RNGTT: variants seen among roughly 807,000 people sequenced by gnomAD.
The protein encoded by RNGTT is mRNA-capping enzyme.
Under a neutral mutation model 79.3 loss-of-function variants are expected in RNGTT, and 33 were observed. That is an observed-to-expected ratio of 0.42 (90% CI 0.32 to 0.56). The LOEUF (loss-of-function observed/expected upper bound fraction) is 0.56. Ranked by LOEUF, RNGTT falls within the 20% of genes least tolerant of loss-of-function variation. The pLI, the probability that RNGTT is intolerant of heterozygous loss-of-function variation, is 0.17. For missense variants in RNGTT, 497 were observed against 739.1 expected (o/e 0.67, Z 3.80); for synonymous variants, 222 against 235.9 (o/e 0.94, Z 0.54).
At chr6:88,790,007 A>G (rs1263608395) in intron 12 of RNGTT, among the ~76,000 whole-genome samples, 1 of 152,254 alleles carries the variant, frequency 6.6e-6, no homozygotes, top group East Asian at 1.9e-4. Flanking sequence ...CCGCTTTGAT[A>G]TAAAACCTCA....
intron 11 of RNGTT, among the ~76,000 whole-genome samples, chr6:88,837,725 G>T (rs1007388548): frequency 8.6e-5 from 13 of 151,950 alleles, no homozygotes; most frequent in Admixed American, 3.9e-4. Flanking sequence ...AATAGTATTC[G>T]ATCTATAGTA....
rs1043733932 is a variant in RNGTT at position 88,769,686 on chromosome 6, G to A, written c.1439+88C>T. On this transcript the variant is annotated intron_variant, in intron 13 of 15. Coordinates refer to ENST00000369485, the MANE Select transcript of RNGTT (RefSeq NM_003800.5). ...TTTTAGTTTCTTTCTTTAAAGTATT[G>A]TAAAGTATATATGAAATACCCTGTA... 9 of 658,662 alleles carry A rather than the reference G, an allele frequency of 1.4e-5. No homozygotes were observed. The African/African-American group carries it at 1.6e-4, about 12-fold the overall frequency. 40.8% of individuals were successfully genotyped at this position (658,662 alleles called of 1,614,324 possible).
intron 13 of RNGTT, among the ~76,000 whole-genome samples, chr6:88,689,576 C>T (rs1285583014): frequency 7.2e-6 from 1 of 139,036 alleles, no homozygotes; most frequent in Non-Finnish European, 1.5e-5. Flanking sequence ...CCTGGGGCAA[C>T]AGAGTGAGAC....
intron 11 of RNGTT, among the ~76,000 whole-genome samples, chr6:88,825,802 G>A (rs1780637328): frequency 1.3e-5 from 2 of 152,072 alleles, no homozygotes; most frequent in Admixed American, 6.6e-5. Flanking sequence ...TTAAATGTAT[G>A]CCTTATAGTT....
intron 11 of RNGTT, among the ~76,000 whole-genome samples, chr6:88,805,453 T>C (rs1222627776): frequency 6.6e-6 from 1 of 152,160 alleles, no homozygotes; most frequent in Non-Finnish European, 1.5e-5. Flanking sequence ...GTTAAAACCC[T>C]CCTGCTTTCC....
chr6:88,871,340 A>T (rs2127920817), intron 8 of RNGTT, among the ~76,000 whole-genome samples: 1 of 152,208 alleles, frequency 6.6e-6, no homozygotes, highest in East Asian at 1.9e-4. Flanking sequence ...GACACTACTG[A>T]AATAATAGCA....
chr6:88,784,593 C>T (rs760822473), intron 12 of RNGTT, among the ~76,000 whole-genome samples: 1 of 152,130 alleles, frequency 6.6e-6, no homozygotes, highest in Admixed American at 6.5e-5. Context: ...ATGAATTGGT[C>T]TGTCAGTAGA....
At chr6:88,898,826 C>T (rs910032962) in intron 6 of RNGTT, among the ~76,000 whole-genome samples, 1 of 149,348 alleles carries the variant, frequency 6.7e-6, no homozygotes, top group Non-Finnish European at 1.5e-5. Flanking sequence ...TGCCTTTTAA[C>T]TCTATATACT....
chr6:88,658,895 G>A (rs774475822), intron 14 of RNGTT, among the ~76,000 whole-genome samples: 12 of 152,172 alleles, frequency 7.9e-5, no homozygotes, highest in Non-Finnish European at 1.0e-4. Flanking sequence ...TCGGGCCTTC[G>A]GCCACAGACT....
At chr6:88,636,241 T>C (rs1435401664) in intron 14 of RNGTT, among the ~76,000 whole-genome samples, 1 of 152,064 alleles carries the variant, frequency 6.6e-6, no homozygotes, top group Non-Finnish European at 1.5e-5. Context: ...TTTGATGCAG[T>C]TCCTTTAGGA....
At chr6:88,752,114 T>C (rs1027154643) in intron 13 of RNGTT, among the ~76,000 whole-genome samples, 1 of 151,614 alleles carries the variant, frequency 6.6e-6, no homozygotes, top group Non-Finnish European at 1.5e-5. Context: ...GCTTTCTTCA[T>C]TTTATAATAA....
At chr6:88,892,010 T>C in intron 6 of RNGTT, 95 bp from the exon 7 acceptor site, 1 of 843,658 alleles carries the variant, frequency 1.2e-6, no homozygotes, top group Non-Finnish European at 1.8e-6. Context: ...TAAATTAGTT[T>C]GTTCTCACAA....
intron 14 of RNGTT, among the ~76,000 whole-genome samples, chr6:88,646,761 C>A (rs1173976920): frequency 1.3e-5 from 2 of 151,880 alleles, no homozygotes; most frequent in Admixed American, 6.5e-5. Context: ...CCAAACACCG[C>A]ATGTTCTCAC....
intron 12 of RNGTT, among the ~76,000 whole-genome samples, chr6:88,798,810 GATATCTAACAGAAATCTACCACAAAC>G (rs1227557519): frequency 2.0e-5 from 3 of 152,130 alleles, no homozygotes; most frequent in African/African-American, 7.2e-5. Flanking sequence ...CACAATAAAG[GATATCTAACAGAAATCTACCACAAAC>G]ATACTTAATG....
At chr6:88,795,996 A>T (rs964599005) in intron 12 of RNGTT, among the ~76,000 whole-genome samples, 1 of 152,212 alleles carries the variant, frequency 6.6e-6, no homozygotes, top group African/African-American at 2.4e-5. Context: ...GAAATGGGAA[A>T]CAATAAATCA....
At chr6:88,839,929 A>G (rs879498604) in intron 11 of RNGTT, among the ~76,000 whole-genome samples, 2 of 152,218 alleles carry the variant, frequency 1.3e-5, no homozygotes, top group Non-Finnish European at 1.5e-5. Flanking sequence ...AACAGATCAA[A>G]TTAAACAAAA....
chr6:88,909,538 G>C (rs1372298534), intron 4 of RNGTT, among the ~76,000 whole-genome samples: 1 of 152,118 alleles, frequency 6.6e-6, no homozygotes, highest in African/African-American at 2.4e-5. Context: ...CCCTTGGCTT[G>C]AATCATATCT....
At chr6:88,689,766 T>C (rs925381464) in intron 13 of RNGTT, among the ~76,000 whole-genome samples, 5 of 151,638 alleles carry the variant, frequency 3.3e-5, no homozygotes, top group African/African-American at 1.2e-4. Flanking sequence ...TAATAATTGT[T>C]GCAAGCAAAA....
chr6:88,616,449 A>G (rs1582237164), intron 14 of RNGTT, among the ~76,000 whole-genome samples: 1 of 152,030 alleles, frequency 6.6e-6, no homozygotes, highest in South Asian at 2.1e-4. Context: ...GCATCAATTT[A>G]CATTCTCACT....
Sources: allele counts gnomAD v4.1 joint callset (sites outside exome capture counted in the v4.1 genomes callset), GRCh38; gene constraint gnomAD v4.1.1; transcripts MANE v1.5; gene names NCBI Gene and HGNC (gene_info 2026-07-23, HGNC 2026-07-21).